Variants in RUNX1 observed in about 807,000 individuals in gnomAD.
The protein encoded by RUNX1 is RUNX family transcription factor 1.
In RUNX1, 19 loss-of-function variants were observed where a neutral mutation model predicts 42.8. That is an observed-to-expected ratio of 0.44 (90% CI 0.31 to 0.65). The LOEUF is 0.65. Ranked by LOEUF, RUNX1 falls within the 30% of genes least tolerant of loss-of-function variation. The pLI, the probability that RUNX1 is intolerant of heterozygous loss-of-function variation, is 0.07. For synonymous variants in RUNX1, 271 were observed against 289.4 expected (o/e 0.94, Z 0.64); for missense variants, 528 against 672.0 (o/e 0.79, Z 2.37).
Position 34,837,073 on chromosome 21 carries a change from T to C in RUNX1, c.614-2472A>G, listed in dbSNP as rs77914358. On this transcript the variant is annotated intron_variant, in intron 6 of 8. Coordinates refer to ENST00000675419, the MANE Select transcript of RUNX1 (RefSeq NM_001754.5). ...AATGAGAGCTTTAACTTGTGAGCAA[T>C]TTCTATACCAGCTGATACCTGCCAA... 6.3e-3 allele frequency among the ~76,000 whole-genome samples: 966 copies of C among 152,346 alleles called. 7 individuals are homozygous for C. Among genetic ancestry groups the C allele is most frequent in the African/African-American group, 0.022 (926 of 41,568 alleles).
chr21:34,988,496 A>G (rs1016591205), intron 2 of RUNX1, among the ~76,000 whole-genome samples: 27 of 152,104 alleles, frequency 1.8e-4, no homozygotes, highest in African/African-American at 6.5e-4. Flanking sequence ...ATCATCTAGT[A>G]CTTTCAAAAA....
At chr21:34,921,547 G>T (rs758406378) in intron 2 of RUNX1, among the ~76,000 whole-genome samples, 1 of 152,166 alleles carries the variant, frequency 6.6e-6, no homozygotes, top group Non-Finnish European at 1.5e-5. Context: ...GGCTTGGGTT[G>T]CTTCCACCTT....
At chr21:35,015,330 C>G (rs1482870905) in intron 2 of RUNX1, among the ~76,000 whole-genome samples, 1 of 152,166 alleles carries the variant, frequency 6.6e-6, no homozygotes, top group Non-Finnish European at 1.5e-5. Context: ...CTTGTTGTTG[C>G]TAGGGGAAGC....
intron 2 of RUNX1, among the ~76,000 whole-genome samples, chr21:34,937,585 C>T (rs1193953345): frequency 6.6e-6 from 1 of 151,784 alleles, no homozygotes. Flanking sequence ...GGAATAGTTT[C>T]TTTCCATTGG....
chr21:34,939,647 C>CT (rs2058512104), intron 2 of RUNX1, among the ~76,000 whole-genome samples: 1 of 152,142 alleles, frequency 6.6e-6, no homozygotes, highest in Non-Finnish European at 1.5e-5. Flanking sequence ...CCCACTGCAA[C>CT]AGGGGCTAAC....
chr21:34,834,651 G>C, intron 6 of RUNX1, 50 bp from the exon 7 acceptor site: 1 of 1,438,492 alleles, frequency 7.0e-7, no homozygotes, highest in Non-Finnish European at 9.7e-7. Flanking sequence ...GAAGGAGGGA[G>C]GGAAGAGATC....
intron 2 of RUNX1, among the ~76,000 whole-genome samples, chr21:34,911,965 T>C (rs1464759512): frequency 6.6e-6 from 1 of 152,068 alleles, no homozygotes; most frequent in Admixed American, 6.5e-5. Context: ...ACAACTATCA[T>C]GTCACATGCA....
In RUNX1 at chr21:34,999,802, C is replaced by T. The variant is rs114487481; in HGVS notation, c.58+49040G>A. Among the ~76,000 whole-genome samples the T allele has an allele frequency of 9.3e-4, 141 of 152,276 alleles. 1 individual carries two copies. Among genetic ancestry groups the T allele is most frequent in the African/African-American group, 3.2e-3 (132 of 41,554 alleles). ...GACGGTGTAAATCCTGGTCTTCCTCCTTTTAAAAGTGTGACTATTGCGTCA... is the reference window on the plus strand; with the variant it reads ...GACGGTGTAAATCCTGGTCTTCCTCTTTTTAAAAGTGTGACTATTGCGTCA... On this transcript the variant is annotated intron_variant, in intron 2 of 8. Coordinates refer to ENST00000675419, the MANE Select transcript of RUNX1 (RefSeq NM_001754.5).
At chr21:34,794,424 A>C (rs1418489545) in intron 8 of RUNX1, among the ~76,000 whole-genome samples, 1 of 152,188 alleles carries the variant, frequency 6.6e-6, no homozygotes, top group Non-Finnish European at 1.5e-5. Flanking sequence ...TACTGCCTTG[A>C]GTTCACCTGG....
At chr21:34,856,646 T>C (rs534750916) in intron 6 of RUNX1, among the ~76,000 whole-genome samples, 9 of 152,318 alleles carry the variant, frequency 5.9e-5, no homozygotes, top group African/African-American at 2.2e-4. Flanking sequence ...TTCCCTTACC[T>C]ATGGGGTGAT....
chr21:34,792,252 G>T lies in RUNX1; in HGVS notation c.1326C>A (p.Leu442=). The T allele has an allele frequency of 6.5e-7, 1 of 1,537,512 alleles. No homozygotes were observed. The change falls in exon 9 of 9, where the codon CTC becomes CTA. Residue 442 remains leucine, a synonymous_variant. Transcript: ENST00000675419. The surrounding 1 kb of genome is among the most constrained non-coding windows in gnomAD (Gnocchi z 6.9). ...CTNASTGSAL[L]NPSLPNQSDV... ...CGCTCTGGTTCGGGAGGCTGGGGTT[G>T]AGCAGCGCGGAGCCGGTGGAGGCGT...
At position 34,796,247 on chromosome 21, in the gene RUNX1, C is replaced by T. The variant is rs541832148; in HGVS notation, c.967+3054G>A. On this transcript the variant is annotated intron_variant, in intron 8 of 8. Transcript: ENST00000675419. ...CCTTCTTCTATGTACACATGAGCAA[C>T]GTCATACTACAAAAGACCATCCATT... 2.6e-5 allele frequency among the ~76,000 whole-genome samples: 4 copies of T among 152,334 alleles called. No individual in the cohort carries two copies. In the South Asian group the frequency reaches 6.2e-4, roughly 24 times the overall value.
intron 2 of RUNX1, among the ~76,000 whole-genome samples, chr21:34,954,762 T>C (rs1346190975): frequency 6.6e-6 from 1 of 152,116 alleles, no homozygotes; most frequent in East Asian, 1.9e-4. Flanking sequence ...CCTGGGACCC[T>C]GAATCACTGC....
intron 2 of RUNX1, among the ~76,000 whole-genome samples, chr21:34,915,540 T>C (rs2058306003): frequency 1.3e-5 from 2 of 152,234 alleles, no homozygotes; most frequent in Admixed American, 1.3e-4. Flanking sequence ...ATGGTTGTTT[T>C]ATGAGCCTCA....
chr21:34,831,046 G>A (rs2057055948), intron 7 of RUNX1, among the ~76,000 whole-genome samples: 1 of 152,150 alleles, frequency 6.6e-6, no homozygotes, highest in Non-Finnish European at 1.5e-5. Context: ...CCATCTCTAG[G>A]TGGGAGTTGT....
chr21:35,042,313 A>T (rs899919415), intron 2 of RUNX1, among the ~76,000 whole-genome samples: 1 of 152,248 alleles, frequency 6.6e-6, no homozygotes, highest in Non-Finnish European at 1.5e-5. Context: ...GGAAGAACAT[A>T]AAGTTTCTCT....
At chr21:35,045,694 GTCTTAAGA>G (rs2059391084) in intron 2 of RUNX1, among the ~76,000 whole-genome samples, 1 of 152,148 alleles carries the variant, frequency 6.6e-6, no homozygotes, top group African/African-American at 2.4e-5. Flanking sequence ...TAAGCCTGAA[GTCTTAAGA>G]TCTTAAGTGT....
chr21:34,883,580 A>G (rs956259837), intron 4 of RUNX1, among the ~76,000 whole-genome samples: 1 of 152,240 alleles, frequency 6.6e-6, no homozygotes, highest in Non-Finnish European at 1.5e-5. Flanking sequence ...AACAATAGGT[A>G]AGGAAACACA....
intron 2 of RUNX1, among the ~76,000 whole-genome samples, chr21:35,020,973 T>C (rs1332474783): frequency 6.6e-6 from 1 of 152,198 alleles, no homozygotes; most frequent in Non-Finnish European, 1.5e-5. Context: ...CCACTTACCT[T>C]CAGGCTGGCT....
Sources: allele counts gnomAD v4.1 joint callset (sites outside exome capture counted in the v4.1 genomes callset), GRCh38; gene constraint gnomAD v4.1.1; non-coding constraint Gnocchi (gnomAD v3.1); transcripts MANE v1.5; gene names NCBI Gene and HGNC (gene_info 2026-07-23, HGNC 2026-07-21).